Variants in BAG3 observed in about 807,000 individuals in gnomAD.
The protein encoded by BAG3 is BAG cochaperone 3, also known as BAG family molecular chaperone regulator 3.
A neutral mutation model predicts 40.5 loss-of-function variants in BAG3; 14 were observed. The observed-to-expected ratio is 0.35, with a 90% CI of 0.23 to 0.54. BAG3 has a LOEUF of 0.54. BAG3 is among the 20% of genes least tolerant of loss of function. The pLI, the probability that BAG3 is intolerant of heterozygous loss-of-function variation, is 0.91. For synonymous variants in BAG3, 302 were observed against 307.8 expected (o/e 0.98, Z 0.20); for missense variants, 788 against 758.6 (o/e 1.04, Z -0.46).
At chr10:119,654,720 GC>G (rs1194969815) in intron 1 of BAG3, among the ~76,000 whole-genome samples, 1 of 152,222 alleles carries the variant, frequency 6.6e-6, no homozygotes, top group African/African-American at 2.4e-5. Flanking sequence ...ACCAGTCCAG[GC>G]CCTTTCCTGG....
At chr10:119,676,429 G>A in intron 3 of BAG3, 35 bp from the exon 4 acceptor site, 1 of 1,605,226 alleles carries the variant, frequency 6.2e-7, no homozygotes, top group Non-Finnish European at 8.5e-7. Flanking sequence ...CTTTCAGTCA[G>A]TTATTAAAAA....
chr10:119,654,521 A>G (rs986165388), intron 1 of BAG3, among the ~76,000 whole-genome samples: 3 of 152,174 alleles, frequency 2.0e-5, no homozygotes, highest in Non-Finnish European at 4.4e-5. Flanking sequence ...AGTTAGGACA[A>G]CTCCCTGTTT....
chr10:119,667,729 T>TCC (rs1847085767), intron 1 of BAG3, among the ~76,000 whole-genome samples: 1 of 152,172 alleles, frequency 6.6e-6, no homozygotes, highest in Non-Finnish European at 1.5e-5. Context: ...GGCAGGATGT[T>TCC]CCCCCAGGTG....
At chr10:119,656,595 A>G (rs1371367751) in intron 1 of BAG3, 3 of 152,040 alleles carry the variant, frequency 2.0e-5, no homozygotes, top group Non-Finnish European at 4.4e-5. Flanking sequence ...CAGGTGCAGG[A>G]TTCATCTGTA....
intron 1 of BAG3, among the ~76,000 whole-genome samples, chr10:119,658,589 T>C (rs1846947590): frequency 6.6e-6 from 1 of 152,220 alleles, no homozygotes; most frequent in Non-Finnish European, 1.5e-5. Context: ...CCTCTCCTGC[T>C]GCATTTTACC....
chr10:119,655,020 A>AT (rs1163405457), intron 1 of BAG3, among the ~76,000 whole-genome samples: 1 of 152,148 alleles, frequency 6.6e-6, no homozygotes, highest in Non-Finnish European at 1.5e-5. Context: ...CCAGAAAACT[A>AT]TTAAGTCCAG....
intron 1 of BAG3, chr10:119,656,761 T>G (rs1846918253): frequency 6.6e-6 from 1 of 152,082 alleles, no homozygotes; most frequent in East Asian, 1.9e-4. Flanking sequence ...GGAATGAATG[T>G]AGTATTTTTC....
At position 119,651,587 on chromosome 10, in the gene BAG3, AG is replaced by A; in HGVS notation, c.-85del. 8.1e-7 allele frequency: 1 copy of A among 1,240,270 alleles called. No individual in the cohort carries two copies. The highest frequency in any genetic ancestry group is 1.0e-6 in the Non-Finnish European group (1 of 959,330). The allele number at this position is 1,240,270 out of a possible 1,614,324, so 76.8% of individuals were successfully genotyped here. On this transcript the variant is annotated 5_prime_UTR_variant, in exon 1 of 4. Coordinates refer to ENST00000369085, the MANE Select transcript of BAG3 (RefSeq NM_004281.4). ...CTTCCCGGACACGTCGGCGGCGGAG[AG>A]GGGCCCACGGCGGCGGCCCGGCCAG...
chr10:119,661,850 G>A (rs1846995588), intron 1 of BAG3, among the ~76,000 whole-genome samples: 1 of 152,124 alleles, frequency 6.6e-6, no homozygotes, highest in African/African-American at 2.4e-5. Context: ...AGTGCTGGGG[G>A]AGTGGGAGAG....
intron 1 of BAG3, among the ~76,000 whole-genome samples, chr10:119,667,609 G>A (rs1279987031): frequency 1.3e-5 from 2 of 152,160 alleles, no homozygotes; most frequent in East Asian, 3.9e-4. Flanking sequence ...TGCTTTCCAA[G>A]TAATTCTGCT....
chr10:119,668,880 G>A (rs1368012328), intron 1 of BAG3, among the ~76,000 whole-genome samples: 2 of 152,236 alleles, frequency 1.3e-5, no homozygotes, highest in Non-Finnish European at 2.9e-5. Context: ...TGCAGTCATG[G>A]GTAGAGACTG....
chr10:119,669,999 C>G lies in BAG3; in HGVS notation c.329C>G (p.Pro110Arg), dbSNP rs749587347. The change falls in exon 2 of 4, where the codon CCT (proline) becomes CGT (arginine). Residue 110 changes from proline to arginine, a missense_variant. Coordinates refer to ENST00000369085, the MANE Select transcript of BAG3 (RefSeq NM_004281.4). ...HEGAENRQVH[P>R]FHVYPQPGMQ... Reference sequence around the variant, plus strand: ...GGCGCTGAGAACCGGCAGGTGCACCCTTTCCATGTCTATCCCCAGCCTGGG... The same window carrying G: ...GGCGCTGAGAACCGGCAGGTGCACCGTTTCCATGTCTATCCCCAGCCTGGG... 13 of 1,614,246 alleles carry G rather than the reference C, an allele frequency of 8.1e-6. No individual in the cohort carries two copies. The highest frequency in any genetic ancestry group is 1.1e-5 in the Non-Finnish European group (13 of 1,180,044).
intron 3 of BAG3, among the ~76,000 whole-genome samples, chr10:119,675,902 C>CCTTCCT (rs1847225435): frequency 4.4e-4 from 3 of 6,754 alleles, no homozygotes; most frequent in Non-Finnish European, 1.0e-3. Flanking sequence ...CCTTCCTTCC[C>CCTTCCT]CCCTTCCTTC....
chr10:119,673,115 G>A (rs368643644), intron 3 of BAG3, among the ~76,000 whole-genome samples: 4 of 152,102 alleles, frequency 2.6e-5, no homozygotes, highest in African/African-American at 4.8e-5. Context: ...TGCTGAACCC[G>A]CTCCCTGAAA....
At chr10:119,659,116 C>A (rs1204252106) in intron 1 of BAG3, among the ~76,000 whole-genome samples, 1 of 152,130 alleles carries the variant, frequency 6.6e-6, no homozygotes, top group African/African-American at 2.4e-5. Flanking sequence ...CTTCCCGTGC[C>A]CCTTGTGAGT....
intron 1 of BAG3, among the ~76,000 whole-genome samples, chr10:119,666,849 G>A (rs1847075671): frequency 6.6e-6 from 1 of 152,184 alleles, no homozygotes; most frequent in Non-Finnish European, 1.5e-5. Context: ...CCACTGCCCA[G>A]AAAAAGAGAA....
intron 1 of BAG3, among the ~76,000 whole-genome samples, chr10:119,662,730 C>T (rs1847009882): frequency 1.3e-5 from 2 of 152,110 alleles, no homozygotes; most frequent in South Asian, 2.1e-4. Flanking sequence ...GAGCACTGTA[C>T]CTGGCCAGGC....
intron 1 of BAG3, among the ~76,000 whole-genome samples, chr10:119,654,308 G>C (rs572423323): frequency 1.3e-5 from 2 of 152,196 alleles, no homozygotes; most frequent in Non-Finnish European, 2.9e-5. Flanking sequence ...ATCTTCAAGA[G>C]GAAATGCTGT....
chr10:119,668,930 T>C (rs189499827), intron 1 of BAG3, among the ~76,000 whole-genome samples: 47 of 152,288 alleles, frequency 3.1e-4, no homozygotes, highest in Non-Finnish European at 5.1e-4. Context: ...TGGGAATTTA[T>C]AGTCAAGGAG....
Sources: allele counts gnomAD v4.1 joint callset (sites outside exome capture counted in the v4.1 genomes callset), GRCh38; gene constraint gnomAD v4.1.1; transcripts MANE v1.5; gene names NCBI Gene and HGNC (gene_info 2026-07-23, HGNC 2026-07-21).